The following TCF20 variants were observed in gnomAD, a reference collection of about 807,000 sequenced individuals.
TCF20 encodes the protein transcription factor 20, also known as SPRE-binding protein.
A neutral mutation model predicts 148.6 loss-of-function variants in TCF20; 3 were observed. The ratio of observed to expected loss-of-function variants is 0.02; its 90% CI spans 0.01 to 0.05. The LOEUF (loss-of-function observed/expected upper bound fraction) is 0.05, where lower values mean the gene tolerates loss of function less well. Among genes scored for constraint, TCF20 ranks in the 10% least tolerant of loss-of-function variants. The probability of loss-of-function intolerance (pLI) is 1.00; values close to 1 mark genes in which losing one functional copy is unlikely to be tolerated. For synonymous variants in TCF20, 1,049 were observed against 909.5 expected (o/e 1.15, Z -2.76); for missense variants, 2,350 against 2,429.3 (o/e 0.97, Z 0.69).
intron 1 of TCF20, among the ~76,000 whole-genome samples, chr22:42,294,725 A>C (rs1012032787): frequency 6.6e-6 from 1 of 152,226 alleles, no homozygotes; most frequent in Admixed American, 6.5e-5. Context: ...CTGATGTCCC[A>C]ACTCTGTAGA....
chr22:42,221,867 TA>T (rs1922403191), intron 1 of TCF20, among the ~76,000 whole-genome samples: 1 of 150,040 alleles, frequency 6.7e-6, no homozygotes, highest in Non-Finnish European at 1.5e-5. Context: ...GCCTCCCAAG[TA>T]GCTGGGACTA....
Position 42,212,586 on chromosome 22 carries a change from G to C in TCF20, c.2720C>G (p.Ser907Trp). 1 of 1,614,076 alleles carries C rather than the reference G, an allele frequency of 6.2e-7. No homozygotes were observed. The highest frequency in any genetic ancestry group is 8.5e-7 in the Non-Finnish European group (1 of 1,179,924). The change falls in exon 2 of 6, where the codon TCG (serine) becomes TGG (tryptophan). Residue 907 changes from serine to tryptophan, a missense_variant. By Grantham distance (177) the Ser-to-Trp change is radical. Coordinates refer to ENST00000677622, the MANE Select transcript of TCF20 (RefSeq NM_001378418.1). ...NDRLNPTLSQ[S>W]VILPGGLVSM... ...CACCAAACCACCAGGAAGAATGACCGACTGACTTAAAGTTGGATTGAGACG... is the reference window on the plus strand; with the variant it reads ...CACCAAACCACCAGGAAGAATGACCCACTGACTTAAAGTTGGATTGAGACG...
intron 1 of TCF20, among the ~76,000 whole-genome samples, chr22:42,264,772 T>C (rs1436640147): frequency 6.6e-6 from 1 of 152,250 alleles, no homozygotes; most frequent in Non-Finnish European, 1.5e-5. Flanking sequence ...GTTTACAGTC[T>C]GTCTCCAGAG....
intron 1 of TCF20, among the ~76,000 whole-genome samples, chr22:42,229,921 T>C (rs1439090811): frequency 3.9e-5 from 6 of 152,204 alleles, no homozygotes; most frequent in Non-Finnish European, 8.8e-5. Flanking sequence ...TGAAGGCATG[T>C]AACAAACATG....
chr22:42,204,744 C>A (rs1353155847), intron 2 of TCF20, among the ~76,000 whole-genome samples: 1 of 152,044 alleles, frequency 6.6e-6, no homozygotes, highest in Admixed American at 6.6e-5. Context: ...ACTTGGGAGG[C>A]TGAGGCAGGA....
intron 1 of TCF20, among the ~76,000 whole-genome samples, chr22:42,238,508 T>C (rs1924083715): frequency 6.6e-6 from 1 of 152,246 alleles, no homozygotes. Context: ...CCACGTTTGG[T>C]GCAATAGGCC....
In TCF20 at chr22:42,249,803, ATATTT is replaced by A. The variant is rs1359180525; in HGVS notation, c.-37+20531_-37+20535del. Reference sequence around the variant, plus strand: ...ACATAGTGCCAATTTGCTATGCTATATATTTTATCTTCACATCATTTCTAATACTG... The same window carrying A: ...ACATAGTGCCAATTTGCTATGCTATATATCTTCACATCATTTCTAATACTG... On this transcript the variant is annotated intron_variant, in intron 1 of 5. Coordinates refer to ENST00000677622, the MANE Select transcript of TCF20 (RefSeq NM_001378418.1). 4.6e-5 allele frequency among the ~76,000 whole-genome samples: 7 copies of A among 152,208 alleles called. No homozygotes were observed. In the South Asian group the frequency reaches 8.3e-4, roughly 18 times the overall value.
intron 1 of TCF20, among the ~76,000 whole-genome samples, chr22:42,239,816 T>C (rs1924235660): frequency 2.6e-5 from 4 of 152,038 alleles, no homozygotes; most frequent in Admixed American, 1.3e-4. Context: ...ATAAAATGAA[T>C]AAAATGTTTA....
chr22:42,161,120 C>T lies in TCF20; in HGVS notation c.*283G>A. ...CCTTTCCCCATCATCCCACCCCTCCCCCCTCCCCCCACATTGTCACTATGG... is the reference window on the plus strand; with the variant it reads ...CCTTTCCCCATCATCCCACCCCTCCTCCCTCCCCCCACATTGTCACTATGG... On this transcript the variant is annotated 3_prime_UTR_variant, in exon 6 of 6. Transcript: ENST00000677622. The T allele has an allele frequency of 2.6e-6, 1 of 385,646 alleles. No individual in the cohort carries two copies. 23.9% of individuals were successfully genotyped at this position (385,646 alleles called of 1,614,324 possible).
At position 42,270,635 on chromosome 22, in the gene TCF20, C is replaced by T. The variant is rs906039950; in HGVS notation, c.-333G>A. 1.4e-5 allele frequency among the ~76,000 whole-genome samples: 2 copies of T among 145,192 alleles called. No homozygotes were observed. Among genetic ancestry groups the T allele is most frequent in the African/African-American group, 2.5e-5 (1 of 40,526 alleles). On this transcript the variant is annotated 5_prime_UTR_variant, in exon 1 of 6. Transcript: ENST00000677622. ...CTCGGGGTTTTTTCTCTCCATTCTC[C>T]CAACACACAGGAAATAACAGAGCGT...
chr22:42,243,292 CAAAAA>C lies in TCF20; in HGVS notation c.-37+27042_-37+27046del, dbSNP rs3045578. On this transcript the variant is annotated intron_variant, in intron 1 of 5. Coordinates refer to ENST00000677622, the MANE Select transcript of TCF20 (RefSeq NM_001378418.1). The stretch of plus-strand genomic sequence containing the variant: ...TGGCTGGCAGAGCAAGACACTGTCT[CAAAAA>C]AAAAAAAAAAAAAAAAAAAAAAAAG... Among the ~76,000 whole-genome samples, 182 of 39,482 alleles carry C rather than the reference CAAAAA, an allele frequency of 4.6e-3. 1 individual carries two copies. The highest frequency in any genetic ancestry group is 0.022 in the Middle Eastern group (1 of 46). The allele number at this position is 39,482 out of a possible 152,430, so 25.9% of individuals were successfully genotyped here.
chr22:42,293,733 G>A (rs1323176862), intron 1 of TCF20, among the ~76,000 whole-genome samples: 2 of 152,246 alleles, frequency 1.3e-5, no homozygotes, highest in Non-Finnish European at 2.9e-5. Flanking sequence ...TGGGCGCGGT[G>A]GCTCAGGCCT....
intron 1 of TCF20, among the ~76,000 whole-genome samples, chr22:42,320,687 C>A (rs554019095): frequency 6.6e-6 from 1 of 152,340 alleles, no homozygotes; most frequent in Non-Finnish European, 1.5e-5. Flanking sequence ...ATGAATGCAC[C>A]TGGCAGTGCA....
At position 42,242,202 on chromosome 22, in the gene TCF20, C is replaced by CAA. The variant is rs151190006; in HGVS notation, c.-36-26863_-36-26862dup. On this transcript the variant is annotated intron_variant, in intron 1 of 5. Transcript: ENST00000677622. The stretch of plus-strand genomic sequence containing the variant: ...TGGGCGACAGAGCGAGACTTCGCCT[C>CAA]AAAAAAAAAAAAAAAAAAAAAAAAA... Among the ~76,000 whole-genome samples, 355 of 59,582 alleles carry CAA rather than the reference C, an allele frequency of 6.0e-3. 11 individuals carry two copies. Among genetic ancestry groups the CAA allele is most frequent in the African/African-American group, 0.015 (162 of 11,022 alleles). 39.1% of individuals were successfully genotyped at this position (59,582 alleles called of 152,430 possible).
intron 1 of TCF20, among the ~76,000 whole-genome samples, chr22:42,244,520 T>C (rs2147325182): frequency 6.6e-6 from 1 of 152,176 alleles, no homozygotes; most frequent in African/African-American, 2.4e-5. Context: ...ACGCGCTAAG[T>C]GAAAGAAGTC....
chr22:42,203,200 G>A (rs952114129), intron 2 of TCF20, among the ~76,000 whole-genome samples: 5 of 151,964 alleles, frequency 3.3e-5, no homozygotes, highest in Middle Eastern at 3.4e-3. Context: ...GCTAATTTTC[G>A]TATTTTTGGT....
At chr22:42,243,596 C>T (rs1467382127) in intron 1 of TCF20, among the ~76,000 whole-genome samples, 2 of 151,740 alleles carry the variant, frequency 1.3e-5, no homozygotes, top group African/African-American at 2.4e-5. Context: ...AGCAAGACTC[C>T]CTCTCAAAAA....
chr22:42,238,855 C>G (rs144427326), intron 1 of TCF20, among the ~76,000 whole-genome samples: 1 of 149,982 alleles, frequency 6.7e-6, no homozygotes, highest in Admixed American at 6.6e-5. Flanking sequence ...CGGTGGCTCA[C>G]GCCTGTAATC....
chr22:42,275,562 G>C (rs940622701), upstream of TCF20, among the ~76,000 whole-genome samples: 1 of 152,198 alleles, frequency 6.6e-6, no homozygotes, highest in Non-Finnish European at 1.5e-5. Flanking sequence ...GCTGTAAATT[G>C]GGCTGGGAGG....
Sources: allele counts gnomAD v4.1 joint callset (sites outside exome capture counted in the v4.1 genomes callset), GRCh38; gene constraint gnomAD v4.1.1; transcripts MANE v1.5; gene names NCBI Gene and HGNC (gene_info 2026-07-23, HGNC 2026-07-21).